Variants in TARS1 observed in about 807,000 individuals in gnomAD.
The protein encoded by TARS1 is threonyl-tRNA synthetase 1.
In TARS1, 57 loss-of-function variants were observed where a neutral mutation model predicts 97.7. That is an observed-to-expected ratio of 0.58 (90% CI 0.47 to 0.73). TARS1 has a LOEUF of 0.73. Among genes scored for constraint, TARS1 ranks in the 30% least tolerant of loss-of-function variants. TARS1 has a pLI of 0.00. For missense variants in TARS1, 806 were observed against 888.3 expected (o/e 0.91, Z 1.18); for synonymous variants, 312 against 293.7 (o/e 1.06, Z -0.64).
intron 3 of TARS1, among the ~76,000 whole-genome samples, chr5:33,449,463 T>A (rs1382802591): frequency 4.5e-4 from 61 of 135,102 alleles, no homozygotes; most frequent in African/African-American, 1.6e-3. Context: ...TTTTTTTTTT[T>A]TTTTTTTGAG....
At chr5:33,466,844 A>G in intron 17 of TARS1, 27 bp from the exon 18 acceptor site, 2 of 1,519,000 alleles carry the variant, frequency 1.3e-6, no homozygotes, top group Non-Finnish European at 1.8e-6. Context: ...TTTAGATCTG[A>G]CAAATTCTGT....
rs1306750870 is a variant in TARS1 at position 33,458,657 on chromosome 5, T to C, written c.1076T>C (p.Phe359Ser). 9 of 1,611,002 alleles carry C rather than the reference T, an allele frequency of 5.6e-6. No homozygotes were observed. Among genetic ancestry groups the C allele is most frequent in the Non-Finnish European group, 6.8e-6 (8 of 1,178,160 alleles). Residue 359 changes from phenylalanine to serine, a missense_variant, in exon 10 of 19, where the codon TTC becomes TCC. Physicochemically the swap from Phe to Ser is radical, Grantham distance 155 (BLOSUM62 -2). This residue lies in a region of TARS1 where 446 missense variants were observed against 511.0 expected (regional missense o/e 0.87). Transcript: ENST00000265112. ...GAYIYNALIE[F>S]IRSEYRKRGF... ...TACATTTATAATGCACTTATTGAAT[T>C]CATTAGGGTAAGTCATATTTATTGC...
intron 17 of TARS1, 147 bp downstream of exon 17, chr5:33,463,972 A>G (rs1401989847): frequency 1.0e-5 from 7 of 668,254 alleles, no homozygotes; most frequent in Admixed American, 2.7e-5. Context: ...TGAATAGATT[A>G]TATTACTTCT....
chr5:33,461,847 T>C, intron 14 of TARS1, 59 bp from the exon 15 acceptor site: 1 of 1,589,506 alleles, frequency 6.3e-7, no homozygotes, highest in Non-Finnish European at 8.6e-7. Context: ...CTAATCCAAC[T>C]ATTGAGCTCC....
rs1742321316 is a variant in TARS1, at chr5:33,462,096, T to C, written c.1731-3T>C. ...GACAAAACAATTTTTTTTTTCTTTA[T>C]AGCCATGATGGTGATGATAAGAAAA... On this transcript the variant is annotated splice_region_variant and splice_polypyrimidine_tract_variant and intron_variant, in intron 15 of 18. Transcript: ENST00000265112. The C allele has an allele frequency of 6.2e-7, 1 of 1,609,874 alleles. No homozygotes were observed. Among genetic ancestry groups the C allele is most frequent in the Non-Finnish European group, 8.5e-7 (1 of 1,178,726 alleles).
chr5:33,449,121 AT>A (rs971215772), intron 3 of TARS1, among the ~76,000 whole-genome samples: 2 of 152,138 alleles, frequency 1.3e-5, no homozygotes, highest in East Asian at 1.9e-4. Context: ...CATGAAAAAA[AT>A]GTACTATTTT....
At position 33,440,995 on chromosome 5, in the gene TARS1, G is replaced by T; in HGVS notation, c.-92G>T. 6.5e-7 allele frequency: 1 copy of T among 1,547,890 alleles called. No individual in the cohort carries two copies. Among genetic ancestry groups the T allele is most frequent in the Non-Finnish European group, 8.9e-7 (1 of 1,126,454 alleles). On this transcript the variant is annotated 5_prime_UTR_variant, in exon 1 of 19. Coordinates refer to ENST00000265112, the MANE Select transcript of TARS1 (RefSeq NM_152295.5). ...CATCAGCTGGTCCAGCCGAGGCCAA[G>T]TCCCGGGCGCTAGCCCACCTCCCAC...
At chr5:33,463,331 G>A (rs978391845) in intron 16 of TARS1, among the ~76,000 whole-genome samples, 2 of 152,178 alleles carry the variant, frequency 1.3e-5, no homozygotes, top group African/African-American at 4.8e-5. Flanking sequence ...GATACAAAAT[G>A]GATGTTGAGT....
rs1742209182 is a variant in TARS1, at chr5:33,459,872, G to C, written c.1250+11G>C. The C allele has an allele frequency of 3.8e-6, 6 of 1,599,202 alleles. No individual in the cohort carries two copies. The East Asian group carries it at 1.3e-4, about 36-fold the overall frequency. ...CTGCCCAGGACACTGGTATTCGGCA[G>C]CTTTGAATTTCTACTGAAGATTTTC... On this transcript the variant is annotated intron_variant, in intron 11 of 18. Coordinates refer to ENST00000265112, the MANE Select transcript of TARS1 (RefSeq NM_152295.5).
chr5:33,441,083 G>C lies in TARS1; in HGVS notation c.-4G>C, dbSNP rs1419386774. ...GGGTTCTCTCATCGCTTCGTCGTTCGCCAATGTTTGAGGAGAAGGCCAGCA... is the reference window on the plus strand; with the variant it reads ...GGGTTCTCTCATCGCTTCGTCGTTCCCCAATGTTTGAGGAGAAGGCCAGCA... On this transcript the variant is annotated 5_prime_UTR_variant, in exon 1 of 19. Coordinates refer to ENST00000265112, the MANE Select transcript of TARS1 (RefSeq NM_152295.5). 1.2e-6 allele frequency: 2 copies of C among 1,614,020 alleles called. No homozygotes were observed. The highest frequency in any genetic ancestry group is 1.3e-5 in the African/African-American group (1 of 74,914).
At chr5:33,457,078 C>T (rs1231447802) in intron 8 of TARS1, among the ~76,000 whole-genome samples, 179 bp from the exon 9 acceptor site, 2 of 152,190 alleles carry the variant, frequency 1.3e-5, no homozygotes, top group African/African-American at 4.8e-5. Context: ...GGATTACAGG[C>T]ATGAGCCACT....
intron 1 of TARS1, 48 bp downstream of exon 1, chr5:33,441,191 G>C (rs201383132): frequency 6.2e-7 from 1 of 1,608,258 alleles, no homozygotes; most frequent in East Asian, 2.2e-5. Flanking sequence ...ACTCTAGTGG[G>C]TGCAGACGCT....
intron 3 of TARS1, among the ~76,000 whole-genome samples, chr5:33,452,040 G>C (rs1328236290): frequency 3.9e-5 from 6 of 152,190 alleles, no homozygotes; most frequent in African/African-American, 1.4e-4. Context: ...ATTGAAAATA[G>C]AAAGGAGTTT....
intron 3 of TARS1, among the ~76,000 whole-genome samples, chr5:33,452,012 G>C (rs915183413): frequency 6.6e-6 from 1 of 152,136 alleles, no homozygotes; most frequent in African/African-American, 2.4e-5. Context: ...TATAACCTAT[G>C]GTAAAGTTAG....
intron 17 of TARS1, chr5:33,466,262 C>T (rs1046220407): frequency 2.0e-5 from 3 of 152,166 alleles, no homozygotes; most frequent in African/African-American, 4.8e-5. Flanking sequence ...AAATGCCCAA[C>T]TCTCATAGCA....
chr5:33,459,217 G>C (rs754569836), intron 10 of TARS1, among the ~76,000 whole-genome samples: 11 of 152,050 alleles, frequency 7.2e-5, no homozygotes, highest in Non-Finnish European at 1.5e-4. Context: ...TTTTCTAGAA[G>C]AAACTACTGT....
chr5:33,467,336 T>C (rs1275301918), intron 18 of TARS1, among the ~76,000 whole-genome samples: 1 of 152,222 alleles, frequency 6.6e-6, no homozygotes, highest in Non-Finnish European at 1.5e-5. Flanking sequence ...TGGGGTTTTA[T>C]TATTTGGTTG....
chr5:33,461,589 G>T (rs1269377580), intron 13 of TARS1, 78 bp from the exon 14 acceptor site: 1 of 1,382,392 alleles, frequency 7.2e-7, no homozygotes, highest in African/African-American at 1.4e-5. Flanking sequence ...AGTAATTACT[G>T]TATTTTTAGT....
rs933793218 is a variant in TARS1 at position 33,467,529 on chromosome 5, A to G, written c.2024-31A>G. The G allele has an allele frequency of 1.9e-6, 3 of 1,600,516 alleles. No individual in the cohort carries two copies. The African/African-American group carries it at 4.0e-5, about 22-fold the overall frequency. On this transcript the variant is annotated intron_variant, in intron 18 of 18. Coordinates refer to ENST00000265112, the MANE Select transcript of TARS1 (RefSeq NM_152295.5). Reference sequence around the variant, plus strand: ...TGAATTCTTCCATATCTTTAGATTAAGTCTGACAAAGCTTTGTGTGTTTGT... The same window carrying G: ...TGAATTCTTCCATATCTTTAGATTAGGTCTGACAAAGCTTTGTGTGTTTGT...
Sources: gnomAD v4.1 joint callset for allele counts (sites outside exome capture counted in the v4.1 genomes callset) on GRCh38, gnomAD v4.1.1 for gene constraint, gnomAD v4.1.1 regional missense constraint, MANE v1.5 for transcripts, NCBI Gene and HGNC (gene_info 2026-07-23, HGNC 2026-07-21) for gene names.